KDM4C: variants seen among roughly 807,000 people sequenced by gnomAD.
KDM4C encodes lysine demethylase 4C.
KDM4C carries 81 observed loss-of-function variants against 129.3 expected under a neutral mutation model. That is an observed-to-expected ratio of 0.63 (90% CI 0.52 to 0.75). The LOEUF is 0.75. Among genes scored for constraint, KDM4C ranks in the 30% least tolerant of loss-of-function variants. The pLI is 0.00. For missense variants in KDM4C, 1,457 were observed against 1,304.0 expected (o/e 1.12, Z -1.81); for synonymous variants, 573 against 456.1 (o/e 1.26, Z -3.26).
At chr9:7,088,713 C>G (rs976992605) in intron 17 of KDM4C, among the ~76,000 whole-genome samples, 19 of 152,102 alleles carry the variant, frequency 1.2e-4, no homozygotes, top group African/African-American at 4.6e-4. Flanking sequence ...TCCTGTGTCT[C>G]AACAAGATAA....
At chr9:6,801,832 C>T (rs373464674) in intron 2 of KDM4C, among the ~76,000 whole-genome samples, 4 of 152,096 alleles carry the variant, frequency 2.6e-5, no homozygotes, top group East Asian at 3.9e-4. Flanking sequence ...GAGCTGGGCG[C>T]GGTGGCTCAT....
At chr9:6,842,973 G>A (rs541615200) in intron 4 of KDM4C, among the ~76,000 whole-genome samples, 15 of 151,996 alleles carry the variant, frequency 9.9e-5, no homozygotes, top group Non-Finnish European at 1.6e-4. Context: ...TCTGTTGCCC[G>A]GGCTGGAGTA....
intron 17 of KDM4C, among the ~76,000 whole-genome samples, chr9:7,084,338 C>G (rs1011294035): frequency 4.6e-5 from 7 of 152,164 alleles, no homozygotes; most frequent in Non-Finnish European, 1.0e-4. Flanking sequence ...AGAGCCACAA[C>G]CAAGATTCAA....
chr9:7,153,247 A>G (rs1227867620), intron 19 of KDM4C, among the ~76,000 whole-genome samples: 1 of 152,170 alleles, frequency 6.6e-6, no homozygotes, highest in Non-Finnish European at 1.5e-5. Flanking sequence ...AGCCTTAAAA[A>G]TAATTTTTAA....
chr9:7,168,019 T>TA (rs57154885), intron 20 of KDM4C, among the ~76,000 whole-genome samples: 5,118 of 152,104 alleles, frequency 0.034, 266 homozygotes, highest in African/African-American at 0.12. Context: ...CCGTCTCTAC[T>TA]AAAAAAATGT....
chr9:6,917,208 C>T (rs1820468085), intron 8 of KDM4C, among the ~76,000 whole-genome samples: 1 of 152,134 alleles, frequency 6.6e-6, no homozygotes, highest in African/African-American at 2.4e-5. Context: ...ACTCAGTCTT[C>T]TGGTCTTAAT....
chr9:6,722,397 G>C (rs768748834), intron 1 of KDM4C, among the ~76,000 whole-genome samples: 3 of 152,146 alleles, frequency 2.0e-5, no homozygotes, highest in Non-Finnish European at 2.9e-5. Context: ...AGATTTGGAG[G>C]CTGGGCTTGG....
At chr9:7,156,381 G>A (rs1437842444) in intron 19 of KDM4C, among the ~76,000 whole-genome samples, 2 of 152,126 alleles carry the variant, frequency 1.3e-5, no homozygotes, top group Non-Finnish European at 2.9e-5. Flanking sequence ...GTCAATTTTG[G>A]CTTTTGTTGC....
intron 8 of KDM4C, among the ~76,000 whole-genome samples, chr9:6,903,473 C>G (rs1374576102): frequency 6.6e-6 from 1 of 152,110 alleles, no homozygotes; most frequent in African/African-American, 2.4e-5. Context: ...AGTAAGCATC[C>G]TGAAGAGAAG....
At chr9:6,767,813 A>T (rs1228767613) in intron 1 of KDM4C, among the ~76,000 whole-genome samples, 1 of 152,180 alleles carries the variant, frequency 6.6e-6, no homozygotes, top group Non-Finnish European at 1.5e-5. Context: ...ATTTGGGCAC[A>T]TAAAGTGATA....
At chr9:6,871,293 T>A (rs1173765952) in intron 5 of KDM4C, among the ~76,000 whole-genome samples, 1 of 152,120 alleles carries the variant, frequency 6.6e-6, no homozygotes, top group Non-Finnish European at 1.5e-5. Flanking sequence ...CTAATCTCAT[T>A]CAGTTCAAGG....
At chr9:6,845,660 C>T (rs969485858) in intron 4 of KDM4C, among the ~76,000 whole-genome samples, 6 of 152,094 alleles carry the variant, frequency 3.9e-5, no homozygotes, top group African/African-American at 1.2e-4. Context: ...AAAACAGATG[C>T]AGGATACGTA....
At chr9:6,895,357 G>GT (rs1816232842) in intron 8 of KDM4C, among the ~76,000 whole-genome samples, 1 of 152,198 alleles carries the variant, frequency 6.6e-6, no homozygotes, top group Non-Finnish European at 1.5e-5. Flanking sequence ...CCTCACAGTT[G>GT]TAAGACTAAA....
At position 6,781,955 on chromosome 9, in the gene KDM4C, G is replaced by A. The variant is rs182700038; in HGVS notation, c.-17-11017G>A. Among the ~76,000 whole-genome samples the A allele has an allele frequency of 4.6e-5, 7 of 152,000 alleles. No individual in the cohort carries two copies. The East Asian group carries it at 1.4e-3, about 29-fold the overall frequency. On this transcript the variant is annotated intron_variant, in intron 1 of 21. Coordinates refer to ENST00000381309, the MANE Select transcript of KDM4C (RefSeq NM_015061.6). ...TTCTCCTGCCTCAGCCTCCTCAGTA[G>A]CTGGGATTACGGGTGCCTGCCACCA...
In KDM4C at chr9:7,023,171, G is replaced by C. The variant is rs1309635643; in HGVS notation, c.2259+7242G>C. On this transcript the variant is annotated intron_variant, in intron 15 of 21. Transcript: ENST00000381309. The stretch of plus-strand genomic sequence containing the variant: ...CTGGCCTCACGGAGTGAGCTTGGAA[G>C]TGTTCCCTCATCCTCTACTTTTTGG... Among the ~76,000 whole-genome samples the C allele has an allele frequency of 2.0e-5, 3 of 152,288 alleles. No individual in the cohort carries two copies. The South Asian group carries it at 6.2e-4, about 32-fold the overall frequency.
At chr9:6,788,050 C>T (rs1295871121) in intron 1 of KDM4C, among the ~76,000 whole-genome samples, 2 of 152,176 alleles carry the variant, frequency 1.3e-5, no homozygotes, top group South Asian at 2.1e-4. Flanking sequence ...CCTTGTTGTT[C>T]CTTCAGCCTA....
intron 15 of KDM4C, among the ~76,000 whole-genome samples, chr9:7,030,231 A>AT (rs1368091232): frequency 1.3e-5 from 2 of 152,164 alleles, no homozygotes; most frequent in Non-Finnish European, 2.9e-5. Flanking sequence ...TACTCATTGC[A>AT]TTTTTTAACC....
intron 5 of KDM4C, among the ~76,000 whole-genome samples, chr9:6,874,252 C>T (rs1373960799): frequency 6.6e-6 from 1 of 152,202 alleles, no homozygotes; most frequent in Non-Finnish European, 1.5e-5. Context: ...AAAAATGCAG[C>T]ATCTTTAAAG....
At chr9:7,014,909 A>G (rs1051510307) in intron 14 of KDM4C, among the ~76,000 whole-genome samples, 1 of 109,272 alleles carries the variant, frequency 9.2e-6, no homozygotes, top group Non-Finnish European at 1.9e-5. Context: ...ATTGAAGGCA[A>G]TTTGTAACAC....
Sources: gnomAD v4.1 joint callset for allele counts (sites outside exome capture counted in the v4.1 genomes callset) on GRCh38, gnomAD v4.1.1 for gene constraint, MANE v1.5 for transcripts, NCBI Gene and HGNC (gene_info 2026-07-23, HGNC 2026-07-21) for gene names.